HIPK2: variants seen among roughly 807,000 people sequenced by gnomAD.
The protein encoded by HIPK2 is homeodomain-interacting protein kinase 2.
HIPK2 carries 27 observed loss-of-function variants against 113.7 expected under a neutral mutation model. That is an observed-to-expected ratio of 0.24 (90% CI 0.17 to 0.33). The LOEUF is 0.33. Among genes scored for constraint, HIPK2 ranks in the 10% least tolerant of loss-of-function variants. HIPK2 has a pLI of 1.00. For missense variants in HIPK2, 1,257 were observed against 1,588.0 expected, an observed-to-expected ratio of 0.79 and a Z score of 3.54; for synonymous variants, 631 against 642.2, an observed-to-expected ratio of 0.98 and a Z score of 0.26.
intron 2 of HIPK2, among the ~76,000 whole-genome samples, chr7:139,678,971 T>C (rs2116695094): frequency 6.6e-6 from 1 of 152,308 alleles, no homozygotes; most frequent in South Asian, 2.1e-4. Context: ...TTGTCTATTA[T>C]TGGTGTATAA....
At chr7:139,717,886 G>A (rs1282842651) in intron 1 of HIPK2, among the ~76,000 whole-genome samples, 1 of 151,946 alleles carries the variant, frequency 6.6e-6, no homozygotes, top group Non-Finnish European at 1.5e-5. Context: ...TGGGATTATA[G>A]GTTCCTGCCA....
chr7:139,744,987 C>A (rs1317050109), intron 1 of HIPK2, among the ~76,000 whole-genome samples: 3 of 152,232 alleles, frequency 2.0e-5, no homozygotes, highest in African/African-American at 7.2e-5. Flanking sequence ...AGTAGAGTTT[C>A]AAGGCACTGT....
intron 2 of HIPK2, among the ~76,000 whole-genome samples, chr7:139,672,565 A>G (rs1802342839): frequency 1.3e-5 from 2 of 152,100 alleles, no homozygotes; most frequent in Admixed American, 1.3e-4. Context: ...TCCTGGGTTC[A>G]GGTGATTCTC....
intron 2 of HIPK2, among the ~76,000 whole-genome samples, chr7:139,703,281 A>G (rs1311842949): frequency 3.3e-5 from 5 of 152,174 alleles, no homozygotes; most frequent in Non-Finnish European, 5.9e-5. Context: ...GAACAGCCAC[A>G]TCATCCTAAA....
At position 139,715,946 on chromosome 7, in the gene HIPK2, C is replaced by T; in HGVS notation, c.1089G>A (p.Gln363=). The change falls in exon 2 of 15, where the codon CAG becomes CAA. Residue 363 remains glutamine, a synonymous_variant. Transcript: ENST00000406875. ...GACGGTCTTACCTGTAATATCTGGA[C>T]TGCAAGTAGGTGGAGCACACAGCCT... is the stretch of plus-strand genomic sequence containing the variant. The part of the protein sequence containing the change: ...VSKAVCSTYL[Q]SRYYRAPEII... The T allele has an allele frequency of 6.2e-7, 1 of 1,613,940 alleles. No homozygotes were observed. Among genetic ancestry groups the T allele is most frequent in the Non-Finnish European group, 8.5e-7 (1 of 1,179,842 alleles).
chr7:139,669,253 T>C (rs1802175070), intron 2 of HIPK2, among the ~76,000 whole-genome samples: 1 of 152,144 alleles, frequency 6.6e-6, no homozygotes, highest in Admixed American at 6.5e-5. Flanking sequence ...TCAGCTTCCT[T>C]TTAAGTCATT....
At position 139,565,603 on chromosome 7, in the gene HIPK2, T is replaced by C. The variant is rs1585214127; in HGVS notation, c.*7324A>G. ...TCCTTTTATCATGAAAGCTGGCTGG[T>C]TTTCCTGTTTATACAATTGTTGCTA... On this transcript the variant is annotated 3_prime_UTR_variant, in exon 15 of 15. Transcript: ENST00000406875. The C allele has an allele frequency of 1.3e-5, 2 of 152,292 alleles. No individual in the cohort carries two copies. Among genetic ancestry groups the C allele is most frequent in the Non-Finnish European group, 2.9e-5 (2 of 68,026 alleles). 9.4% of individuals were successfully genotyped at this position (152,292 alleles called of 1,614,324 possible). A position where few individuals can be genotyped will look rare whatever the true frequency, so the allele number is the denominator to read the frequency against.
intron 12 of HIPK2, among the ~76,000 whole-genome samples, chr7:139,587,499 A>AC (rs1798876272): frequency 6.6e-6 from 1 of 151,086 alleles, no homozygotes; most frequent in Non-Finnish European, 1.5e-5. Flanking sequence ...AAAAAAAAAA[A>AC]AAAAAAAAAA....
chr7:139,645,256 T>G (rs1256123895), intron 2 of HIPK2, among the ~76,000 whole-genome samples: 1 of 152,222 alleles, frequency 6.6e-6, no homozygotes, highest in Admixed American at 6.5e-5. Flanking sequence ...TAAGTCACAG[T>G]CAGTCTTTAT....
At chr7:139,588,756 G>A in intron 12 of HIPK2, among the ~76,000 whole-genome samples, 1 of 152,120 alleles carries the variant, frequency 6.6e-6, no homozygotes, top group East Asian at 1.9e-4. Flanking sequence ...TGTCTTCTGG[G>A]ATGAATGCGG....
At chr7:139,593,158 G>A (rs1405712172) in intron 12 of HIPK2, among the ~76,000 whole-genome samples, 1 of 152,230 alleles carries the variant, frequency 6.6e-6, no homozygotes, top group Admixed American at 6.5e-5. Context: ...CAGTTATTAA[G>A]TTTGACATTT....
At chr7:139,653,927 T>C (rs1801561512) in intron 2 of HIPK2, among the ~76,000 whole-genome samples, 1 of 152,094 alleles carries the variant, frequency 6.6e-6, no homozygotes, top group Non-Finnish European at 1.5e-5. Context: ...GAGACGAGGT[T>C]TCACCATCTT....
In HIPK2 at chr7:139,564,070, T is replaced by G. The variant is rs1798024209; in HGVS notation, c.*8857A>C. 1 of 397,752 alleles carries G rather than the reference T, an allele frequency of 2.5e-6. No individual in the cohort carries two copies. The highest frequency in any genetic ancestry group is 2.1e-5 in the African/African-American group (1 of 48,742). The allele number at this position is 397,752 out of a possible 1,614,324, so 24.6% of individuals were successfully genotyped here. On this transcript the variant is annotated 3_prime_UTR_variant, in exon 15 of 15. Transcript: ENST00000406875. ...GCTGAGCTGCCCCTCTGTCTCTGCC[T>G]CCTCCTGCTCAGCCCTGACCATCTC...
At chr7:139,574,068 C>G (rs1320328827) in intron 14 of HIPK2, among the ~76,000 whole-genome samples, 2 of 152,138 alleles carry the variant, frequency 1.3e-5, no homozygotes, top group South Asian at 2.1e-4. Context: ...TAGAATGATC[C>G]CCCCGCCTTG....
At chr7:139,726,407 G>A (rs1363918985) in intron 1 of HIPK2, among the ~76,000 whole-genome samples, 1 of 152,170 alleles carries the variant, frequency 6.6e-6, no homozygotes, top group Non-Finnish European at 1.5e-5. Context: ...AAGGAAAGAG[G>A]GGACTAGAAC....
At chr7:139,606,674 A>G (rs1189194288) in intron 9 of HIPK2, among the ~76,000 whole-genome samples, 1 of 152,178 alleles carries the variant, frequency 6.6e-6, no homozygotes, top group African/African-American at 2.4e-5. Context: ...AATTCTCTCT[A>G]GGGGAAATGA....
chr7:139,664,187 T>C lies in HIPK2; in HGVS notation c.1104-32462A>G, dbSNP rs527479372. On this transcript the variant is annotated intron_variant, in intron 2 of 14. Coordinates refer to ENST00000406875, the MANE Select transcript of HIPK2 (RefSeq NM_022740.5). ...CAAATATCTCATGTTAATCTCACTT[T>C]GCATTCATCTACTTATTTTTCCTGT... Among the ~76,000 whole-genome samples the C allele has an allele frequency of 7.1e-4, 108 of 152,346 alleles. 1 individual carries two copies. Among genetic ancestry groups the C allele is most frequent in the Admixed American group, 3.3e-3 (50 of 15,304 alleles).
intron 2 of HIPK2, among the ~76,000 whole-genome samples, chr7:139,638,169 C>T (rs1270530159): frequency 1.3e-5 from 2 of 152,164 alleles, no homozygotes; most frequent in African/African-American, 4.8e-5. Context: ...CTGCAGCATG[C>T]GAAATCACAT....
chr7:139,707,028 C>G (rs946867604), intron 2 of HIPK2, among the ~76,000 whole-genome samples: 1 of 152,214 alleles, frequency 6.6e-6, no homozygotes, highest in Non-Finnish European at 1.5e-5. Context: ...CTGGGGAGCC[C>G]TCAACCCCTG....
Sources: gnomAD v4.1 joint callset for allele counts (sites outside exome capture counted in the v4.1 genomes callset) on GRCh38, gnomAD v4.1.1 for gene constraint, MANE v1.5 for transcripts, NCBI Gene and HGNC (gene_info 2026-07-23, HGNC 2026-07-21) for gene names.